The following ADTRP variants were observed in gnomAD, a reference collection of about 807,000 sequenced individuals.
The protein encoded by ADTRP is androgen-dependent TFPI-regulating protein.
Under a neutral mutation model 27.0 loss-of-function variants are expected in ADTRP, and 20 were observed. That is an observed-to-expected ratio of 0.74 (90% confidence interval 0.52 to 1.08). The LOEUF (loss-of-function observed/expected upper bound fraction) is 1.08. ADTRP is among the 50% of genes least tolerant of loss of function. ADTRP has a pLI of 0.00. For missense variants in ADTRP, 251 were observed against 275.0 expected (o/e 0.91, Z 0.62); for synonymous variants, 101 against 105.2 (o/e 0.96, Z 0.25).
Position 11,778,665 on chromosome 6 carries a change from A to G in ADTRP, c.95T>C (p.Val32Ala), listed in dbSNP as rs765323691. The G allele has an allele frequency of 6.2e-7, 1 of 1,614,194 alleles. No homozygotes were observed. The highest frequency in any genetic ancestry group is 8.5e-7 in the Non-Finnish European group (1 of 1,180,042). ...ACCATTTGCCAAGATTTTGGGTTTCACCTCGTCTTTTCCTTCCTGTGAGAT... is the reference window on the plus strand; with the variant it reads ...ACCATTTGCCAAGATTTTGGGTTTCGCCTCGTCTTTTCCTTCCTGTGAGAT... ...YYISQEGKDE[V>A]KPKILANGAR... is the part of the protein sequence containing the mutation. Residue 32 changes from valine (V) to alanine (A), a missense_variant, in exon 1 of 6, where the codon GTG (valine) becomes GCG (alanine). By Grantham distance (64) the Val-to-Ala change is moderately conservative. Transcript: ENST00000414691.
intron 1 of ADTRP, among the ~76,000 whole-genome samples, chr6:11,771,511 T>C (rs954154110): frequency 7.2e-5 from 11 of 152,168 alleles, no homozygotes; most frequent in Admixed American, 7.2e-4. Flanking sequence ...CAGGGACAGG[T>C]GTGGATCAGC....
chr6:11,746,378 A>C (rs1762866178), intron 3 of ADTRP, among the ~76,000 whole-genome samples: 1 of 152,158 alleles, frequency 6.6e-6, no homozygotes, highest in Non-Finnish European at 1.5e-5. Flanking sequence ...AGGGTTTCTA[A>C]ACCTCTGCAC....
intron 3 of ADTRP, among the ~76,000 whole-genome samples, chr6:11,763,097 C>T (rs868031019): frequency 1.2e-4 from 18 of 152,314 alleles, no homozygotes; most frequent in South Asian, 8.3e-4. Context: ...GCCCTGTCCA[C>T]GGTGGATGCA....
intron 3 of ADTRP, among the ~76,000 whole-genome samples, chr6:11,761,038 G>T (rs567568635): frequency 3.3e-5 from 5 of 152,300 alleles, no homozygotes; most frequent in South Asian, 4.1e-4. Context: ...ATCTGAACCA[G>T]CCATGCTGGT....
chr6:11,720,545 C>T (rs980175321), intron 5 of ADTRP, among the ~76,000 whole-genome samples: 39 of 151,658 alleles, frequency 2.6e-4, no homozygotes, highest in Non-Finnish European at 5.3e-4. Context: ...GATCTCGGCT[C>T]ACTGCAAGCT....
chr6:11,740,890 TAGAGC>T (rs1561754340), intron 3 of ADTRP, among the ~76,000 whole-genome samples: 1 of 152,240 alleles, frequency 6.6e-6, no homozygotes, highest in African/African-American at 2.4e-5. Flanking sequence ...ACGTAGGCTA[TAGAGC>T]TTATGTCTCT....
intron 5 of ADTRP, chr6:11,717,237 T>A (rs1761862676): frequency 1.6e-6 from 2 of 1,264,514 alleles, no homozygotes; most frequent in Non-Finnish European, 2.1e-6. Context: ...TCACCCCGAC[T>A]TGTTTTATTC....
intron 4 of ADTRP, among the ~76,000 whole-genome samples, chr6:11,728,134 C>T (rs1273555489): frequency 1.3e-5 from 2 of 152,220 alleles, no homozygotes; most frequent in Admixed American, 1.3e-4. Context: ...TCAGCGCACA[C>T]ATTTCACAAT....
chr6:11,769,793 A>G (rs1763705026), intron 1 of ADTRP, among the ~76,000 whole-genome samples: 1 of 152,194 alleles, frequency 6.6e-6, no homozygotes, highest in Non-Finnish European at 1.5e-5. Flanking sequence ...TAAAATATAG[A>G]TTTTAAATGT....
rs1413276275 is a variant in ADTRP at position 11,713,714 on chromosome 6, A to C, written c.*764T>G. The C allele has an allele frequency of 6.6e-6, 1 of 152,168 alleles. No individual in the cohort carries two copies. Among genetic ancestry groups the C allele is most frequent in the Non-Finnish European group, 1.5e-5 (1 of 68,032 alleles). 9.4% of individuals were successfully genotyped at this position (152,168 alleles called of 1,614,324 possible). A position where few individuals can be genotyped will look rare whatever the true frequency, so the allele number is the denominator to read the frequency against. On this transcript the variant is annotated 3_prime_UTR_variant, in exon 6 of 6. Transcript: ENST00000414691. ...TATTTGATGAATTAATCAATGTTCA[A>C]ATGGAAGAGGTTTTGACAATGTCAC...
At chr6:11,770,118 T>A in intron 1 of ADTRP, 8 of 1,544,012 alleles carry the variant, frequency 5.2e-6, no homozygotes, top group Non-Finnish European at 7.0e-6. Flanking sequence ...AATTATCAGG[T>A]TTCTGAGCGT....
rs574765434 is a variant in ADTRP, at chr6:11,732,904, GT to G, written c.506+2663del. On this transcript the variant is annotated intron_variant, in intron 4 of 5. Transcript: ENST00000414691. Reference sequence around the variant, plus strand: ...CATCCATCCAGCATTTAGCTGAATGGTTTTGCACACACTGGGAATTGAACAA... The same window carrying G: ...CATCCATCCAGCATTTAGCTGAATGGTTTGCACACACTGGGAATTGAACAA... 5.9e-5 allele frequency among the ~76,000 whole-genome samples: 9 copies of G among 152,344 alleles called. No homozygotes were observed. The South Asian group carries it at 1.7e-3, about 28-fold the overall frequency.
intron 3 of ADTRP, among the ~76,000 whole-genome samples, chr6:11,742,739 G>A (rs969394070): frequency 1.3e-5 from 2 of 152,142 alleles, no homozygotes; most frequent in South Asian, 2.1e-4. Flanking sequence ...GCAAAATAAC[G>A]AAGCTCAATC....
intron 4 of ADTRP, among the ~76,000 whole-genome samples, chr6:11,727,977 G>C (rs1056032059): frequency 8.0e-6 from 1 of 124,228 alleles, no homozygotes; most frequent in East Asian, 7.6e-4. Context: ...GAGGGAGGTA[G>C]GTAGGGAGGG....
intron 2 of ADTRP, 44 bp downstream of exon 2, chr6:11,768,205 T>A: frequency 1.2e-6 from 2 of 1,610,184 alleles, no homozygotes; most frequent in South Asian, 1.1e-5. Context: ...CGTCTGTCCA[T>A]ATGCACATTT....
chr6:11,716,112 C>T (rs1383191096), intron 5 of ADTRP, among the ~76,000 whole-genome samples: 1 of 152,070 alleles, frequency 6.6e-6, no homozygotes, highest in Non-Finnish European at 1.5e-5. Context: ...AATTAAATAA[C>T]CAGCTCACAT....
chr6:11,729,401 A>G (rs965372113), intron 4 of ADTRP, among the ~76,000 whole-genome samples: 2 of 152,038 alleles, frequency 1.3e-5, no homozygotes, highest in African/African-American at 2.4e-5. Flanking sequence ...TTCCAGTTTG[A>G]AGCCTCTCTG....
Position 11,714,222 on chromosome 6 carries a change from C to T in ADTRP, c.*256G>A, listed in dbSNP as rs1761734744. ...TGGCCAGATTTTAACCAGAGACCAT[C>T]CTCCACGAAGGTCAAAGATAATTAA... On this transcript the variant is annotated 3_prime_UTR_variant, in exon 6 of 6. Coordinates refer to ENST00000414691, the MANE Select transcript of ADTRP (RefSeq NM_032744.4). The T allele has an allele frequency of 2.2e-6, 1 of 458,458 alleles. No homozygotes were observed. Among genetic ancestry groups the T allele is most frequent in the Non-Finnish European group, 3.9e-6 (1 of 256,780 alleles). 28.4% of individuals were successfully genotyped at this position (458,458 alleles called of 1,614,324 possible).
intron 2 of ADTRP, 28 bp from the exon 3 acceptor site, chr6:11,766,403 T>C (rs765884908): frequency 2.0e-6 from 3 of 1,531,686 alleles, no homozygotes; most frequent in Admixed American, 1.7e-5. Flanking sequence ...AAAAATAGCA[T>C]CATTAGGCTT....
Sources: allele counts gnomAD v4.1 joint callset (sites outside exome capture counted in the v4.1 genomes callset), GRCh38; gene constraint gnomAD v4.1.1; transcripts MANE v1.5; gene names NCBI Gene and HGNC (gene_info 2026-07-23, HGNC 2026-07-21).